GNPTG: variants seen among roughly 807,000 people sequenced by gnomAD.
GNPTG encodes N-acetylglucosamine-1-phosphate transferase subunit gamma.
A neutral mutation model predicts 43.8 loss-of-function variants in GNPTG; 46 were observed. The observed-to-expected ratio is 1.05, with a 90% CI of 0.83 to 1.34. The LOEUF (loss-of-function observed/expected upper bound fraction) is 1.34. Ranked by LOEUF, GNPTG falls within the 40% of genes most tolerant of loss-of-function variation. The pLI is 0.00. For missense variants in GNPTG, 549 were observed against 411.3 expected (o/e 1.33, Z -2.90); for synonymous variants, 250 against 172.8 (o/e 1.45, Z -3.50).
chr16:1,363,164 G>A lies in GNPTG; in HGVS notation c.*73G>A, dbSNP rs2034970688. ...GAAGCTGGCTGGTAGGACCCGCAGG[G>A]ACCAGCTGACCAGGCTTGTGCTCAG... On this transcript the variant is annotated 3_prime_UTR_variant, in exon 11 of 11. Transcript: ENST00000204679. 8 of 1,257,000 alleles carry A rather than the reference G, an allele frequency of 6.4e-6. No individual in the cohort carries two copies. Among genetic ancestry groups the A allele is most frequent in the Non-Finnish European group, 9.2e-6 (8 of 874,208 alleles). 77.9% of individuals were successfully genotyped at this position (1,257,000 alleles called of 1,614,324 possible). A position where few individuals can be genotyped will look rare whatever the true frequency, so the allele number is the denominator to read the frequency against.
chr16:1,356,635 T>C (rs1251411940), intron 3 of GNPTG, among the ~76,000 whole-genome samples: 2 of 152,178 alleles, frequency 1.3e-5, no homozygotes, highest in Non-Finnish European at 2.9e-5. Context: ...CCACTGAAGC[T>C]GTGGACAGCA....
chr16:1,356,996 C>G (rs1158120897), intron 3 of GNPTG, among the ~76,000 whole-genome samples: 6 of 152,152 alleles, frequency 3.9e-5, no homozygotes, highest in African/African-American at 9.7e-5. Flanking sequence ...GTGAGGGACA[C>G]ATCAGGGTCT....
In GNPTG at chr16:1,352,522, G is replaced by A. The variant is rs1206114992; in HGVS notation, c.178+216G>A. 6 of 611,658 alleles carry A rather than the reference G, an allele frequency of 9.8e-6. No individual in the cohort carries two copies. The East Asian group carries it at 1.7e-4, about 17-fold the overall frequency. The allele number at this position is 611,658 out of a possible 1,614,324, so 37.9% of individuals were successfully genotyped here. On this transcript the variant is annotated intron_variant, in intron 3 of 10. Coordinates refer to ENST00000204679, the MANE Select transcript of GNPTG (RefSeq NM_032520.5). ...TTAGTCCTTCCTTTCCTTTCCGAGA[G>A]GTAACTGCTGTTAATAGTCTGGTGA...
chr16:1,361,284 T>C (rs944797275), intron 3 of GNPTG: 2 of 192,174 alleles, frequency 1.0e-5, no homozygotes, highest in South Asian at 1.8e-4. Flanking sequence ...TTCTCGGTTT[T>C]GTCAGTTTCT....
At chr16:1,354,642 A>G (rs1048468839) in intron 3 of GNPTG, among the ~76,000 whole-genome samples, 9 of 149,786 alleles carry the variant, frequency 6.0e-5, no homozygotes, top group Non-Finnish European at 1.3e-4. Flanking sequence ...TACCTCTTCT[A>G]GTTTTCCCAC....
chr16:1,361,615 G>T, intron 3 of GNPTG, 128 bp from the exon 4 acceptor site: 2 of 936,670 alleles, frequency 2.1e-6, no homozygotes, highest in Non-Finnish European at 3.3e-6. Context: ...CTGCACTCCA[G>T]CCTGGGTGAC....
Position 1,363,548 on chromosome 16 carries a change from A to AACATGC in GNPTG, c.*459_*464dup, listed in dbSNP as rs1222328123. On this transcript the variant is annotated 3_prime_UTR_variant, in exon 11 of 11. Coordinates refer to ENST00000204679, the MANE Select transcript of GNPTG (RefSeq NM_032520.5). ...AGAGTTACAGACGACAGGCAACAAG[A>AACATGC]ACATGCAGAGCCGGCCGCCAGCCAG... 3 of 244,322 alleles carry AACATGC rather than the reference A, an allele frequency of 1.2e-5. No individual in the cohort carries two copies. The highest frequency in any genetic ancestry group is 1.0e-4 in the Admixed American group (2 of 19,124). The allele number at this position is 244,322 out of a possible 1,614,324, so 15.1% of individuals were successfully genotyped here.
intron 3 of GNPTG, among the ~76,000 whole-genome samples, chr16:1,355,336 G>T (rs1164784897): frequency 1.3e-5 from 2 of 152,218 alleles, no homozygotes; most frequent in African/African-American, 2.4e-5. Context: ...AGTGTGGTCT[G>T]TGGAATGAGC....
rs950945669 is a variant in GNPTG at position 1,363,953 on chromosome 16, C to T, written c.*862C>T. ...CCTGAGGGGCGGGCGCCACCTCCTT[C>T]CCAGAAAGAGCAGAGCAGCTGGCAG... On this transcript the variant is annotated 3_prime_UTR_variant, in exon 11 of 11. Coordinates refer to ENST00000204679, the MANE Select transcript of GNPTG (RefSeq NM_032520.5). 1 of 152,230 alleles carries T rather than the reference C, an allele frequency of 6.6e-6. No individual in the cohort carries two copies. Among genetic ancestry groups the T allele is most frequent in the Non-Finnish European group, 1.5e-5 (1 of 68,048 alleles). The allele number at this position is 152,230 out of a possible 1,614,324, so 9.4% of individuals were successfully genotyped here.
intron 3 of GNPTG, chr16:1,360,511 C>T (rs2034850777): frequency 6.6e-6 from 1 of 152,118 alleles, no homozygotes; most frequent in African/African-American, 2.4e-5. Context: ...GGGATCCCAG[C>T]TACTCGGGAG....
chr16:1,352,616 T>A (rs1459255798), intron 3 of GNPTG: 1 of 404,938 alleles, frequency 2.5e-6, no homozygotes, highest in East Asian at 5.1e-5. Context: ...GTTTTTGTAA[T>A]CTAATCGCTT....
intron 3 of GNPTG, 146 bp downstream of exon 3, chr16:1,352,452 G>C (rs929366916): frequency 3.7e-6 from 3 of 807,546 alleles, no homozygotes; most frequent in East Asian, 5.4e-5. Context: ...AAGTACGAGA[G>C]AATATACCAG....
In GNPTG at chr16:1,362,591, C is replaced by G. The variant is rs376709253; in HGVS notation, c.610-20C>G. The G allele has an allele frequency of 8.7e-6, 14 of 1,614,056 alleles. No individual in the cohort carries two copies. The highest frequency in any genetic ancestry group is 1.2e-5 in the Non-Finnish European group (14 of 1,180,034). On this transcript the variant is annotated intron_variant, in intron 8 of 10. Coordinates refer to ENST00000204679, the MANE Select transcript of GNPTG (RefSeq NM_032520.5). ...GCCTGGCTGGGAGCTGGGTGCTGCC[C>G]CTGCATCCTCCACCTTCAGGGCCAT... is the stretch of plus-strand genomic sequence containing the variant.
chr16:1,352,009 C>A lies in GNPTG; in HGVS notation c.44C>A (p.Ser15Ter). 6.8e-7 allele frequency: 1 copy of A among 1,461,790 alleles called. No individual in the cohort carries two copies. The highest frequency in any genetic ancestry group is 9.0e-7 in the Non-Finnish European group (1 of 1,112,116). The allele number at this position is 1,461,790 out of a possible 1,614,324, so 90.6% of individuals were successfully genotyped here. ...CGGCTCCTGTTGCTCCTCGGGCTCT[C>A]GGCCGGCGGTGAGTGGCCCGGCCGT... is the stretch of plus-strand genomic sequence containing the variant. ...LARLLLLLGL[S>*]AGGPAPAGAA... Residue 15 changes from serine (S) to a stop codon, truncating the protein, a stop_gained, in exon 1 of 11, where the codon TCG becomes TAG. Transcript: ENST00000204679. LOFTEE classifies it high-confidence loss of function.
At position 1,361,947 on chromosome 16, in the gene GNPTG, G is replaced by A; in HGVS notation, c.309G>A (p.Gly103=). 6.2e-7 allele frequency: 1 copy of A among 1,613,550 alleles called. No individual in the cohort carries two copies. The highest frequency in any genetic ancestry group is 8.5e-7 in the Non-Finnish European group (1 of 1,180,042). ...CCTTCCGCTGGAACGCCTACAGTGG[G>A]ATCCTCGGGTGAGTGGGGCCGGGGC... ...EQTFRWNAYS[G]ILGIWHEWEI... Residue 103 remains glycine, a synonymous_variant, in exon 5 of 11, where the codon GGG becomes GGA. Transcript: ENST00000204679.
intron 3 of GNPTG, among the ~76,000 whole-genome samples, chr16:1,359,954 C>T (rs1366768854): frequency 6.6e-6 from 1 of 151,962 alleles, no homozygotes; most frequent in Non-Finnish European, 1.5e-5. Flanking sequence ...TACAAAAATA[C>T]AAAAATTAGC....
intron 3 of GNPTG, among the ~76,000 whole-genome samples, chr16:1,354,178 G>GA (rs2141635191): frequency 1.2e-5 from 1 of 80,342 alleles, no homozygotes; most frequent in African/African-American, 4.9e-5. Flanking sequence ...AGAAGCTGGG[G>GA]AGGAGGCAGG....
Position 1,362,485 on chromosome 16 carries a change from A to G in GNPTG, c.560A>G (p.Gln187Arg). 6.2e-7 allele frequency: 1 copy of G among 1,614,088 alleles called. No homozygotes were observed. Among genetic ancestry groups the G allele is most frequent in the Non-Finnish European group, 8.5e-7 (1 of 1,180,006 alleles). Reference sequence around the variant, plus strand: ...ACCCTGCCAGAGGCCCTGCAGCGGCAGTGGGACCAGGTAGAGCAGGACCTG... The same window carrying G: ...ACCCTGCCAGAGGCCCTGCAGCGGCGGTGGGACCAGGTAGAGCAGGACCTG... ...YPTLPEALQR[Q>R]WDQVEQDLAD... Residue 187 changes from glutamine (Q) to arginine (R), a missense_variant, in exon 8 of 11, where the codon CAG (glutamine) becomes CGG (arginine). Physicochemically the swap from Gln to Arg is conservative, Grantham distance 43 (BLOSUM62 1). Coordinates refer to ENST00000204679, the MANE Select transcript of GNPTG (RefSeq NM_032520.5).
chr16:1,355,087 T>C (rs1301578433), intron 3 of GNPTG, among the ~76,000 whole-genome samples: 1 of 151,958 alleles, frequency 6.6e-6, no homozygotes, highest in African/African-American at 2.4e-5. Flanking sequence ...GTGTGGATGG[T>C]CTCCCGCGTC....
Sources: gnomAD v4.1 joint callset for allele counts (sites outside exome capture counted in the v4.1 genomes callset) on GRCh38, gnomAD v4.1.1 for gene constraint, MANE v1.5 for transcripts, NCBI Gene and HGNC (gene_info 2026-07-23, HGNC 2026-07-21) for gene names.